DSCAML1: variants seen among roughly 807,000 people sequenced by gnomAD.
DSCAML1 encodes cell adhesion molecule DSCAML1.
A neutral mutation model predicts 200.5 loss-of-function variants in DSCAML1; 38 were observed. The ratio of observed to expected loss-of-function variants is 0.19; its 90% CI spans 0.15 to 0.25. DSCAML1 has a LOEUF of 0.25. Ranked by LOEUF, DSCAML1 falls within the 10% of genes least tolerant of loss-of-function variation. The pLI, the probability that DSCAML1 is intolerant of heterozygous loss-of-function variation, is 1.00. For synonymous variants in DSCAML1, 1,215 were observed against 1,165.0 expected (o/e 1.04, Z -0.87); for missense variants, 2,223 against 2,858.8 (o/e 0.78, Z 5.07).
At chr11:117,626,889 A>C (rs1246675083) in intron 3 of DSCAML1, among the ~76,000 whole-genome samples, 1 of 152,116 alleles carries the variant, frequency 6.6e-6, no homozygotes, top group African/African-American at 2.4e-5. Context: ...GGTGCCTGCC[A>C]CTTGCTGACC....
chr11:117,448,954 A>G (rs2137112999), intron 20 of DSCAML1, among the ~76,000 whole-genome samples: 1 of 152,334 alleles, frequency 6.6e-6, no homozygotes, highest in East Asian at 1.9e-4. Flanking sequence ...AAACTGCCCC[A>G]AAGCCTTCCA....
chr11:117,694,293 C>G (rs2053548916), intron 3 of DSCAML1, among the ~76,000 whole-genome samples: 1 of 151,508 alleles, frequency 6.6e-6, no homozygotes, highest in Non-Finnish European at 1.5e-5. Context: ...ATCCCAGCTA[C>G]TTGGGAGGCT....
At chr11:117,774,307 G>A (rs74647652) in intron 3 of DSCAML1, among the ~76,000 whole-genome samples, 4,011 of 152,280 alleles carry the variant, frequency 0.026, 81 homozygotes, top group Middle Eastern at 0.058. Flanking sequence ...AACTGCAGTC[G>A]TGTGGGGAAC....
intron 4 of DSCAML1, 72 bp downstream of exon 4, chr11:117,532,304 G>A (rs1317311865): frequency 3.3e-6 from 5 of 1,520,848 alleles, no homozygotes; most frequent in African/African-American, 2.8e-5. Context: ...GGTGGGGCGT[G>A]CCAAGTTCCA....
chr11:117,654,954 C>A lies in DSCAML1; in HGVS notation c.511+121837G>T, dbSNP rs567107466. 2.0e-5 allele frequency among the ~76,000 whole-genome samples: 3 copies of A among 152,364 alleles called. No individual in the cohort carries two copies. In the East Asian group the frequency reaches 5.8e-4, roughly 29 times the overall value. On this transcript the variant is annotated intron_variant, in intron 3 of 32. Coordinates refer to ENST00000651296, the MANE Select transcript of DSCAML1 (RefSeq NM_020693.4). ...AAAATATAGAATCAGACACAACAGTCTCCCGAAACAGAAAACCCTCTGCCC... is the reference window on the plus strand; with the variant it reads ...AAAATATAGAATCAGACACAACAGTATCCCGAAACAGAAAACCCTCTGCCC...
At chr11:117,509,300 A>C (rs1249320554) in intron 8 of DSCAML1, among the ~76,000 whole-genome samples, 1 of 152,162 alleles carries the variant, frequency 6.6e-6, no homozygotes, top group African/African-American at 2.4e-5. Context: ...GGCTGAGCCA[A>C]GGGGCTGTCA....
In DSCAML1 at chr11:117,780,561, T is replaced by C. The variant is rs2055236161; in HGVS notation, c.296A>G (p.Asn99Ser). ...GTTCTCCGCGGTGCAGAAGTAGTCA[T>C]TGTCGTGGATAAAGCTATTGAAGGC... is the stretch of plus-strand genomic sequence containing the variant. ...PSAFNSFIHD[N>S]DYFCTAENAA... The change falls in exon 2 of 33, where the codon AAT (asparagine) becomes AGT (serine). Residue 99 changes from asparagine to serine, a missense_variant. By Grantham distance (46) the Asn-to-Ser change is conservative. Around this residue, in one of 7 missense-constraint regions of DSCAML1, gnomAD observed 579 missense variants for 721.5 expected, o/e 0.80. Coordinates refer to ENST00000651296, the MANE Select transcript of DSCAML1 (RefSeq NM_020693.4). The surrounding 1 kb of genome is among the most constrained non-coding windows in gnomAD (Gnocchi z 4.8). The C allele has an allele frequency of 1.3e-6, 2 of 1,548,060 alleles. No homozygotes were observed. The highest frequency in any genetic ancestry group is 1.7e-6 in the Non-Finnish European group (2 of 1,144,466).
At chr11:117,750,200 C>T (rs2054584030) in intron 3 of DSCAML1, among the ~76,000 whole-genome samples, 1 of 152,224 alleles carries the variant, frequency 6.6e-6, no homozygotes. Flanking sequence ...AAGGGCAGCA[C>T]TGAGGGCCTT....
At chr11:117,623,988 CT>C (rs1198050403) in intron 3 of DSCAML1, among the ~76,000 whole-genome samples, 1 of 152,114 alleles carries the variant, frequency 6.6e-6, no homozygotes, top group Admixed American at 6.5e-5. Context: ...GCTGTCAAGC[CT>C]TTAGTGCAAA....
chr11:117,750,477 C>T lies in DSCAML1; in HGVS notation c.511+26314G>A, dbSNP rs148170123. ...ATCAGCTCCTCAAAGGCTGTACCTG[C>T]AGGCACATGTGTTGGGCAGAGAAGG... On this transcript the variant is annotated intron_variant, in intron 3 of 32. Transcript: ENST00000651296. 1.1e-3 allele frequency among the ~76,000 whole-genome samples: 169 copies of T among 152,334 alleles called. 1 individual carries two copies. Among genetic ancestry groups the T allele is most frequent in the Non-Finnish European group, 2.0e-3 (133 of 68,028 alleles).
At position 117,467,200 on chromosome 11, in the gene DSCAML1, C is replaced by A. The variant is rs1336796862; in HGVS notation, c.3025-2018G>T. Among the ~76,000 whole-genome samples, 3 of 133,958 alleles carry A rather than the reference C, an allele frequency of 2.2e-5. 1 individual carries two copies. The highest frequency in any genetic ancestry group is 1.5e-4 in the Admixed American group (2 of 13,744). The allele number at this position is 133,958 out of a possible 152,430, so 87.9% of individuals were successfully genotyped here. ...GCATGCGCGTGCACACACACCTCCC[C>A]CCTCCCCCCGCCGCCAATATATCCA... On this transcript the variant is annotated intron_variant, in intron 16 of 32. Coordinates refer to ENST00000651296, the MANE Select transcript of DSCAML1 (RefSeq NM_020693.4).
intron 3 of DSCAML1, among the ~76,000 whole-genome samples, chr11:117,675,792 C>T (rs1303737374): frequency 6.6e-6 from 1 of 152,148 alleles, no homozygotes; most frequent in Non-Finnish European, 1.5e-5. Flanking sequence ...CATCCCTCAT[C>T]CACCAGCGGC....
At chr11:117,681,357 G>T (rs1185784305) in intron 3 of DSCAML1, among the ~76,000 whole-genome samples, 1 of 152,194 alleles carries the variant, frequency 6.6e-6, no homozygotes, top group African/African-American at 2.4e-5. Flanking sequence ...TTTAACAAGC[G>T]CTCTGGGTGA....
At position 117,428,317 on chromosome 11, in the gene DSCAML1, T is replaced by C; in HGVS notation, c.*11A>G. 6.8e-7 allele frequency: 1 copy of C among 1,462,234 alleles called. No individual in the cohort carries two copies. Among genetic ancestry groups the C allele is most frequent in the Non-Finnish European group, 9.5e-7 (1 of 1,055,262 alleles). The allele number at this position is 1,462,234 out of a possible 1,614,324, so 90.6% of individuals were successfully genotyped here. ...GGCGCGGTCCAGGCGTGGCTGCTCT[T>C]CCTGCGGGCCCTACACCAGGGTGTA... On this transcript the variant is annotated 3_prime_UTR_variant, in exon 33 of 33. Transcript: ENST00000651296.
intron 11 of DSCAML1, among the ~76,000 whole-genome samples, chr11:117,483,179 G>C (rs1230524786): frequency 6.6e-6 from 1 of 152,234 alleles, no homozygotes; most frequent in African/African-American, 2.4e-5. Flanking sequence ...GCGAAACCCT[G>C]TCCCCTTTCT....
intron 3 of DSCAML1, among the ~76,000 whole-genome samples, chr11:117,545,773 A>G (rs972028668): frequency 5.3e-5 from 8 of 152,178 alleles, no homozygotes; most frequent in Non-Finnish European, 1.0e-4. Context: ...AGCCCTGGGA[A>G]TGGGTCGTTA....
At position 117,797,158 on chromosome 11, in the gene DSCAML1, C is replaced by G; in HGVS notation, c.-79G>C. ...CAGCGCCTCTCCCCCGCTCAGCGCGCTCCCAGCCGCCCGCACTCGGCGCCC... is the reference window on the plus strand; with the variant it reads ...CAGCGCCTCTCCCCCGCTCAGCGCGGTCCCAGCCGCCCGCACTCGGCGCCC... On this transcript the variant is annotated 5_prime_UTR_variant, in exon 1 of 33. Coordinates refer to ENST00000651296, the MANE Select transcript of DSCAML1 (RefSeq NM_020693.4). The G allele has an allele frequency of 6.3e-7, 1 of 1,586,870 alleles. No homozygotes were observed. The highest frequency in any genetic ancestry group is 8.6e-7 in the Non-Finnish European group (1 of 1,168,100).
intron 3 of DSCAML1, among the ~76,000 whole-genome samples, chr11:117,697,316 G>T (rs899001076): frequency 1.3e-5 from 2 of 152,148 alleles, no homozygotes; most frequent in South Asian, 2.1e-4. Context: ...CTGCCCTGTC[G>T]CATACACTGA....
At chr11:117,701,266 AAAAT>A (rs60286619) in intron 3 of DSCAML1, among the ~76,000 whole-genome samples, 23,344 of 150,846 alleles carry the variant, frequency 0.15, 1,915 homozygotes, top group African/African-American at 0.2. Flanking sequence ...ACTCCATCTC[AAAAT>A]AAATAAATAA....
Sources: allele counts gnomAD v4.1 joint callset (sites outside exome capture counted in the v4.1 genomes callset), GRCh38; gene constraint gnomAD v4.1.1; regional missense constraint gnomAD v4.1.1; non-coding constraint Gnocchi (gnomAD v3.1); transcripts MANE v1.5; gene names NCBI Gene and HGNC (gene_info 2026-07-23, HGNC 2026-07-21).